CHRM3: variants seen among roughly 807,000 people sequenced by gnomAD.
CHRM3 encodes the protein cholinergic receptor muscarinic 3, also known as muscarinic acetylcholine receptor M3.
CHRM3 carries 11 observed loss-of-function variants against 41.8 expected under a neutral mutation model. The ratio of observed to expected loss-of-function variants is 0.26; its 90% CI spans 0.17 to 0.44. The LOEUF is 0.44. CHRM3 is among the 20% of genes least tolerant of loss of function. CHRM3 has a pLI of 1.00. For missense variants in CHRM3, 571 were observed against 745.4 expected, an observed-to-expected ratio of 0.77 and a Z score of 2.72; for synonymous variants, 297 against 301.4, an observed-to-expected ratio of 0.99 and a Z score of 0.15.
At chr1:239,883,024 G>A (rs1288427269) in intron 6 of CHRM3, among the ~76,000 whole-genome samples, 1 of 152,184 alleles carries the variant, frequency 6.6e-6, no homozygotes, top group Non-Finnish European at 1.5e-5. Flanking sequence ...ATATCTAAGT[G>A]TTTTCCTCTG....
intron 5 of CHRM3, among the ~76,000 whole-genome samples, chr1:239,756,854 A>T (rs894490561): frequency 6.6e-6 from 1 of 152,194 alleles, no homozygotes; most frequent in Non-Finnish European, 1.5e-5. Context: ...ATTTTGCATA[A>T]TGCTTTGCAT....
intron 1 of CHRM3, among the ~76,000 whole-genome samples, chr1:239,411,124 TC>T (rs1661029040): frequency 6.6e-6 from 1 of 152,146 alleles, no homozygotes; most frequent in African/African-American, 2.4e-5. Context: ...GCTCACACAA[TC>T]ATTAGGTTTG....
rs112416641 is a variant in CHRM3 at position 239,913,737 on chromosome 1, C to A, written c.*4513C>A. ...AGATCTAGTTCATAAAATGACTATA[C>A]CCCACGTAAGTTTGTAACTGCACAG... On this transcript the variant is annotated 3_prime_UTR_variant, in exon 7 of 7. Transcript: ENST00000676153. 2,890 of 167,114 alleles carry A rather than the reference C, an allele frequency of 0.017. 42 individuals carry two copies. Among genetic ancestry groups the A allele is most frequent in the South Asian group, 0.038 (184 of 4,824 alleles). The allele number at this position is 167,114 out of a possible 1,614,324, so 10.4% of individuals were successfully genotyped here. A position where few individuals can be genotyped will look rare whatever the true frequency, so the allele number is the denominator to read the frequency against.
intron 4 of CHRM3, among the ~76,000 whole-genome samples, chr1:239,673,740 G>A (rs1001891442): frequency 6.6e-6 from 1 of 151,594 alleles, no homozygotes; most frequent in East Asian, 1.9e-4. Context: ...TTTATATTCT[G>A]CTTTTGTTAT....
chr1:239,721,746 G>T (rs1205451994), intron 5 of CHRM3, among the ~76,000 whole-genome samples: 1 of 151,832 alleles, frequency 6.6e-6, no homozygotes, highest in Non-Finnish European at 1.5e-5. Context: ...AAGTACAAAA[G>T]AAGTCTTTAC....
At chr1:239,864,400 G>C (rs915065954) in intron 6 of CHRM3, among the ~76,000 whole-genome samples, 2 of 152,050 alleles carry the variant, frequency 1.3e-5, no homozygotes, top group Non-Finnish European at 2.9e-5. Context: ...CAAGCTACTA[G>C]GGAGGCTGAG....
At chr1:239,898,637 T>C (rs1429895240) in intron 6 of CHRM3, among the ~76,000 whole-genome samples, 1 of 152,238 alleles carries the variant, frequency 6.6e-6, no homozygotes, top group South Asian at 2.1e-4. Context: ...GAAAAATTTA[T>C]ACGCTTTTAA....
chr1:239,656,376 C>A (rs955674554), intron 4 of CHRM3, among the ~76,000 whole-genome samples: 1 of 150,872 alleles, frequency 6.6e-6, no homozygotes, highest in Admixed American at 6.6e-5. Context: ...AATCCCAACA[C>A]TTTGGGAGGC....
chr1:239,413,416 C>T (rs923336606), intron 1 of CHRM3, among the ~76,000 whole-genome samples: 12 of 151,996 alleles, frequency 7.9e-5, no homozygotes, highest in Middle Eastern at 3.2e-3. Flanking sequence ...CAGCCTCCCA[C>T]GTAGCTGGGA....
chr1:239,699,118 TA>T (rs1460268358), intron 5 of CHRM3, among the ~76,000 whole-genome samples: 2 of 152,206 alleles, frequency 1.3e-5, no homozygotes, highest in Non-Finnish European at 2.9e-5. Flanking sequence ...ACCATGATTT[TA>T]ATAATATTGC....
At chr1:239,704,414 G>A (rs1660953939) in intron 5 of CHRM3, 1 of 152,068 alleles carries the variant, frequency 6.6e-6, no homozygotes, top group Non-Finnish European at 1.5e-5. Context: ...TGAAAAAAAA[G>A]GAGGGGAGGA....
intron 4 of CHRM3, among the ~76,000 whole-genome samples, chr1:239,634,941 T>C (rs1219287071): frequency 2.0e-5 from 3 of 152,252 alleles, no homozygotes; most frequent in African/African-American, 4.8e-5. Flanking sequence ...TATTCTGATA[T>C]GCTGTTAGTA....
intron 2 of CHRM3, among the ~76,000 whole-genome samples, chr1:239,496,067 T>C (rs1667856969): frequency 6.6e-6 from 1 of 152,136 alleles, no homozygotes; most frequent in South Asian, 2.1e-4. Context: ...ACAGTCAGTC[T>C]CTTTCATTGG....
intron 3 of CHRM3, among the ~76,000 whole-genome samples, chr1:239,613,399 T>C (rs1018455274): frequency 2.0e-5 from 3 of 152,182 alleles, no homozygotes; most frequent in Non-Finnish European, 4.4e-5. Flanking sequence ...ATAAAAACAA[T>C]GTTACATCTA....
chr1:239,684,655 A>G (rs1658900717), intron 5 of CHRM3, among the ~76,000 whole-genome samples: 1 of 151,344 alleles, frequency 6.6e-6, no homozygotes, highest in African/African-American at 2.4e-5. Context: ...CGTCTCAAAA[A>G]AAAGAAAAAA....
rs1173763124 is a variant in CHRM3 at position 239,684,764 on chromosome 1, AAGAAAG to A, written c.-147+6490_-147+6495del. Among the ~76,000 whole-genome samples, 580 of 144,832 alleles carry A rather than the reference AAGAAAG, an allele frequency of 4.0e-3. 33 individuals are homozygous for A. Among genetic ancestry groups the A allele is most frequent in the Middle Eastern group, 0.018 (5 of 276 alleles). ...AGAAAGAAAGAGAAAGAAAGAAAGA[AAGAAAG>A]AGAAAGAGAAAGAAAAGAGAAGAGA... is the stretch of plus-strand genomic sequence containing the variant. On this transcript the variant is annotated intron_variant, in intron 5 of 6. Transcript: ENST00000676153.
At chr1:239,545,978 A>G (rs1337660672) in intron 3 of CHRM3, 7 of 152,156 alleles carry the variant, frequency 4.6e-5, no homozygotes, top group Non-Finnish European at 5.9e-5. Context: ...GTATACCTAT[A>G]TAGGCAGAAT....
intron 1 of CHRM3, among the ~76,000 whole-genome samples, chr1:239,492,375 A>G (rs780446979): frequency 2.6e-5 from 4 of 152,160 alleles, no homozygotes; most frequent in African/African-American, 4.8e-5. Context: ...AAGTATCTTT[A>G]TTATACCTAT....
chr1:239,900,618 G>A (rs1679464728), intron 6 of CHRM3, among the ~76,000 whole-genome samples: 1 of 152,002 alleles, frequency 6.6e-6, no homozygotes. Flanking sequence ...GCCTTGATAT[G>A]AATAGATTGG....
Sources: allele counts gnomAD v4.1 joint callset (sites outside exome capture counted in the v4.1 genomes callset), GRCh38; gene constraint gnomAD v4.1.1; transcripts MANE v1.5; gene names NCBI Gene and HGNC (gene_info 2026-07-23, HGNC 2026-07-21).